The following PELI2 variants were observed in gnomAD, a reference collection of about 807,000 sequenced individuals.
The protein encoded by PELI2 is E3 ubiquitin-protein ligase pellino homolog 2.
In PELI2, 23 loss-of-function variants were observed where a neutral mutation model predicts 42.3. The observed-to-expected ratio is 0.54, with a 90% confidence interval of 0.39 to 0.77. The LOEUF (loss-of-function observed/expected upper bound fraction) is 0.77, where lower values mean the gene tolerates loss of function less well. PELI2 is among the 30% of genes least tolerant of loss of function. The pLI is 0.00. For missense variants in PELI2, 463 were observed against 553.2 expected, an observed-to-expected ratio of 0.84 and a Z score of 1.64; for synonymous variants, 245 against 212.2, an observed-to-expected ratio of 1.15 and a Z score of -1.34.
intron 1 of PELI2, among the ~76,000 whole-genome samples, chr14:56,167,466 A>C (rs1482937591): frequency 6.6e-6 from 1 of 152,194 alleles, no homozygotes; most frequent in African/African-American, 2.4e-5. Flanking sequence ...ACTCTGATGC[A>C]TTCTTCAGTA....
intron 1 of PELI2, among the ~76,000 whole-genome samples, chr14:56,142,389 G>A (rs541200005): frequency 4.4e-4 from 67 of 152,230 alleles, no homozygotes; most frequent in South Asian, 8.3e-4. Context: ...TTGCTAAATT[G>A]TCAGAGTTAG....
At chr14:56,176,986 T>C (rs1256910290) in intron 1 of PELI2, among the ~76,000 whole-genome samples, 1 of 152,246 alleles carries the variant, frequency 6.6e-6, no homozygotes, top group African/African-American at 2.4e-5. Context: ...TTTATAGTAG[T>C]CATCACAAAC....
intron 2 of PELI2, among the ~76,000 whole-genome samples, chr14:56,179,513 T>C (rs567591188): frequency 6.6e-6 from 1 of 152,276 alleles, no homozygotes; most frequent in East Asian, 1.9e-4. Context: ...TAATGAGGGA[T>C]GAGTAGATAA....
chr14:56,143,808 A>G (rs1350459647), intron 1 of PELI2, among the ~76,000 whole-genome samples: 1 of 152,190 alleles, frequency 6.6e-6, no homozygotes, highest in Non-Finnish European at 1.5e-5. Context: ...TTAGCAGCAT[A>G]TGATGTTTTA....
intron 2 of PELI2, among the ~76,000 whole-genome samples, chr14:56,193,283 G>C (rs1037199046): frequency 6.6e-6 from 1 of 152,180 alleles, no homozygotes; most frequent in African/African-American, 2.4e-5. Context: ...GGGAGTATGG[G>C]CTGGAAGAAA....
At chr14:56,155,920 T>A (rs951763055) in intron 1 of PELI2, among the ~76,000 whole-genome samples, 3 of 152,100 alleles carry the variant, frequency 2.0e-5, no homozygotes, top group African/African-American at 7.2e-5. Flanking sequence ...GTAGCAACAG[T>A]GTTAGTTTTC....
intron 2 of PELI2, among the ~76,000 whole-genome samples, chr14:56,234,732 C>T (rs1021677855): frequency 9.5e-5 from 14 of 147,008 alleles, no homozygotes; most frequent in Non-Finnish European, 1.8e-4. Context: ...CACATGTACC[C>T]TAGAACTTAA....
chr14:56,274,632 A>G (rs181065227), intron 2 of PELI2, among the ~76,000 whole-genome samples: 146 of 152,348 alleles, frequency 9.6e-4, no homozygotes, highest in Non-Finnish European at 4.4e-4. Context: ...GGAGACTCAC[A>G]AAACTCCCTG....
chr14:56,263,327 A>C (rs1218807181), intron 2 of PELI2, among the ~76,000 whole-genome samples: 1 of 152,190 alleles, frequency 6.6e-6, no homozygotes, highest in East Asian at 1.9e-4. Context: ...AATACTGATA[A>C]ATATGCAAGA....
intron 2 of PELI2, among the ~76,000 whole-genome samples, chr14:56,243,595 A>G (rs1050109929): frequency 1.4e-4 from 22 of 152,188 alleles, no homozygotes; most frequent in African/African-American, 5.3e-4. Flanking sequence ...GCACATAGTA[A>G]GCATACTGGG....
intron 1 of PELI2, among the ~76,000 whole-genome samples, chr14:56,119,463 G>A (rs917034383): frequency 3.3e-5 from 5 of 152,136 alleles, no homozygotes; most frequent in Non-Finnish European, 1.5e-5. Flanking sequence ...CCCCGGTCCC[G>A]GCCTCGCTGA....
chr14:56,232,774 G>C (rs1159204636), intron 2 of PELI2, among the ~76,000 whole-genome samples: 1 of 127,318 alleles, frequency 7.9e-6, no homozygotes, highest in Admixed American at 8.5e-5. Flanking sequence ...TCAGGCAGGA[G>C]AAAGAAATAA....
chr14:56,120,465 A>G (rs899113725), intron 1 of PELI2, among the ~76,000 whole-genome samples: 3 of 152,190 alleles, frequency 2.0e-5, no homozygotes, highest in Non-Finnish European at 2.9e-5. Flanking sequence ...GAAACCCTGG[A>G]TTGTCCTAGT....
At chr14:56,230,602 A>G (rs1489658001) in intron 2 of PELI2, among the ~76,000 whole-genome samples, 3 of 152,242 alleles carry the variant, frequency 2.0e-5, no homozygotes, top group Non-Finnish European at 4.4e-5. Context: ...TGAAGGAAGC[A>G]CTAAACATGG....
intron 1 of PELI2, among the ~76,000 whole-genome samples, 169 bp downstream of exon 1, chr14:56,118,906 C>A (rs906880809): frequency 8.0e-5 from 12 of 150,518 alleles, no homozygotes; most frequent in African/African-American, 2.9e-4. Flanking sequence ...GGATGCGCCC[C>A]ATCGGCGCGC....
At chr14:56,136,125 A>C (rs1883681987) in intron 1 of PELI2, among the ~76,000 whole-genome samples, 1 of 152,224 alleles carries the variant, frequency 6.6e-6, no homozygotes, top group Admixed American at 6.5e-5. Flanking sequence ...TAAAACTTAA[A>C]AATCAAGTGT....
At chr14:56,290,207 A>C (rs1420878786) in intron 4 of PELI2, 61 bp from the exon 5 acceptor site, 1 of 1,326,466 alleles carries the variant, frequency 7.5e-7, no homozygotes. Flanking sequence ...GAAATTCCAG[A>C]ATCCTTTCCA....
intron 2 of PELI2, among the ~76,000 whole-genome samples, chr14:56,208,625 T>G (rs1473830851): frequency 6.6e-6 from 1 of 152,214 alleles, no homozygotes; most frequent in Non-Finnish European, 1.5e-5. Flanking sequence ...AAATGCGGTT[T>G]CATTTGTAGA....
chr14:56,154,007 A>G (rs1034225186), intron 1 of PELI2, among the ~76,000 whole-genome samples: 2 of 152,250 alleles, frequency 1.3e-5, no homozygotes, highest in Admixed American at 1.3e-4. Flanking sequence ...TTATTTAACA[A>G]AATATACACT....
Sources: gnomAD v4.1 joint callset for allele counts (sites outside exome capture counted in the v4.1 genomes callset) on GRCh38, gnomAD v4.1.1 for gene constraint, MANE v1.5 for transcripts, NCBI Gene and HGNC (gene_info 2026-07-23, HGNC 2026-07-21) for gene names.